Variants in CHST6 observed in about 807,000 individuals in gnomAD.
CHST6 encodes the protein N-acetylglucosamine 6-O-sulfotransferase 5.
For synonymous variants in CHST6, 309 were observed against 276.4 expected, an observed-to-expected ratio of 1.12 and a Z score of -1.17; for missense variants, 698 against 586.2, an observed-to-expected ratio of 1.19 and a Z score of -1.97.
intron 1 of CHST6, among the ~76,000 whole-genome samples, chr16:75,486,077 A>C (rs187783946): frequency 6.6e-6 from 1 of 152,324 alleles, no homozygotes; most frequent in East Asian, 1.9e-4. Context: ...TTCATCAAAC[A>C]AGCTCCATCT....
At chr16:75,481,710 G>C (rs2080143903) in intron 2 of CHST6, 107 bp downstream of exon 2, 1 of 405,704 alleles carries the variant, frequency 2.5e-6, no homozygotes, top group Non-Finnish European at 5.1e-6. Context: ...GGATGTCCTG[G>C]AGCCCTGTGG....
At chr16:75,485,252 C>T (rs752949409) in intron 1 of CHST6, among the ~76,000 whole-genome samples, 3 of 152,180 alleles carry the variant, frequency 2.0e-5, no homozygotes, top group Non-Finnish European at 4.4e-5. Flanking sequence ...TTGACATTAA[C>T]TCTTTTTAAA....
At position 75,479,596 on chromosome 16, in the gene CHST6, G is replaced by A; in HGVS notation, c.233C>T (p.Thr78Ile). The A allele has an allele frequency of 1.9e-6, 3 of 1,612,924 alleles. No homozygotes were observed. The highest frequency in any genetic ancestry group is 2.5e-6 in the Non-Finnish European group (3 of 1,179,870). The change falls in exon 3 of 3, where the codon ACC becomes ATC. Residue 78 changes from threonine to isoleucine, a missense_variant. Physicochemically the swap from Thr to Ile is moderately conservative, Grantham distance 89. Transcript: ENST00000332272. ...YLMEPAWHVW[T>I]TLSQGSAATL... ...TGCGGCGCTGCCCTGCGACAGGGTG[G>A]TCCACACGTGCCACGCGGGCTCCAT...
chr16:75,477,441 A>G lies in CHST6; in HGVS notation c.*1200T>C, dbSNP rs2080078416. 6.6e-6 allele frequency: 1 copy of G among 152,174 alleles called. No individual in the cohort carries two copies. The highest frequency in any genetic ancestry group is 6.6e-5 in the Admixed American group (1 of 15,266). 9.4% of individuals were successfully genotyped at this position (152,174 alleles called of 1,614,324 possible). A position where few individuals can be genotyped will look rare whatever the true frequency, so the allele number is the denominator to read the frequency against. On this transcript the variant is annotated 3_prime_UTR_variant, in exon 3 of 3. Transcript: ENST00000332272. ...AACGTGAGGGAAACTGCCTCATTTC[A>G]CAGGTAACAGGGTCAGAAGTTCTGT...
chr16:75,474,805 GT>G lies in CHST6; in HGVS notation c.*3835del, dbSNP rs763291064. 1.0e-5 allele frequency: 4 copies of G among 393,738 alleles called. No homozygotes were observed. Among genetic ancestry groups the G allele is most frequent in the Non-Finnish European group, 1.8e-5 (4 of 223,238 alleles). The allele number at this position is 393,738 out of a possible 1,614,324, so 24.4% of individuals were successfully genotyped here. ...CCAACTCACTCCTGAAATAATGGTG[GT>G]TTTTTTTAAGACAGACTCTCGCTTT... On this transcript the variant is annotated 3_prime_UTR_variant, in exon 3 of 3. Transcript: ENST00000332272.
At position 75,474,417 on chromosome 16, in the gene CHST6, G is replaced by A. The variant is rs1271629764; in HGVS notation, c.*4224C>T. 4 of 386,494 alleles carry A rather than the reference G, an allele frequency of 1.0e-5. No individual in the cohort carries two copies. The highest frequency in any genetic ancestry group is 1.8e-5 in the Non-Finnish European group (4 of 218,998). The allele number at this position is 386,494 out of a possible 1,614,324, so 23.9% of individuals were successfully genotyped here. A position where few individuals can be genotyped will look rare whatever the true frequency, so the allele number is the denominator to read the frequency against. On this transcript the variant is annotated 3_prime_UTR_variant, in exon 3 of 3. Transcript: ENST00000332272. ...AGCCTCCCAAGTAGCTAGGACTACA[G>A]GTGCACGACACCATGCCCTGCTAAT...
At position 75,479,459 on chromosome 16, in the gene CHST6, C is replaced by T; in HGVS notation, c.370G>A (p.Ala124Thr). 6.2e-7 allele frequency: 1 copy of T among 1,612,932 alleles called. No individual in the cohort carries two copies. The highest frequency in any genetic ancestry group is 1.1e-5 in the South Asian group (1 of 91,088). ...GGCGAGCACAGTGCACGGCTCACGGCCCACTGGAAGAGGTCGGACAGGTTG... is the reference window on the plus strand; with the variant it reads ...GGCGAGCACAGTGCACGGCTCACGGTCCACTGGAAGAGGTCGGACAGGTTG... ...RRNLSDLFQWAVSRALCSPPA... is the reference protein window; with the variant it reads ...RRNLSDLFQWTVSRALCSPPA... Residue 124 changes from alanine to threonine, a missense_variant, in exon 3 of 3, where the codon GCC becomes ACC. By Grantham distance (58) the Ala-to-Thr change is moderately conservative (BLOSUM62 0). Coordinates refer to ENST00000332272, the MANE Select transcript of CHST6 (RefSeq NM_021615.5).
At chr16:75,483,498 G>C (rs1054422867) in intron 1 of CHST6, among the ~76,000 whole-genome samples, 1 of 152,206 alleles carries the variant, frequency 6.6e-6, no homozygotes, top group Admixed American at 6.5e-5. Flanking sequence ...TCCTAGCTGA[G>C]AGCATTCTGA....
chr16:75,492,032 G>T (rs1311322455), intron 1 of CHST6, among the ~76,000 whole-genome samples: 1 of 152,248 alleles, frequency 6.6e-6, no homozygotes, highest in African/African-American at 2.4e-5. Context: ...TGGTGATGCA[G>T]CTGCATGGCA....
chr16:75,484,288 G>C (rs1159555036), intron 1 of CHST6, among the ~76,000 whole-genome samples: 1 of 152,144 alleles, frequency 6.6e-6, no homozygotes, highest in Non-Finnish European at 1.5e-5. Context: ...AGTGAGCCAA[G>C]ATCACACCAC....
intron 1 of CHST6, among the ~76,000 whole-genome samples, chr16:75,490,042 G>C (rs1446449042): frequency 6.6e-6 from 1 of 151,258 alleles, no homozygotes; most frequent in Non-Finnish European, 1.5e-5. Flanking sequence ...GCCAGGCGTG[G>C]TGGCAGGCAC....
In CHST6 at chr16:75,486,469, G is replaced by T. The variant is rs2080199800; in HGVS notation, c.-91-4578C>A. Among the ~76,000 whole-genome samples the T allele has an allele frequency of 3.9e-5, 6 of 152,280 alleles. No homozygotes were observed. The South Asian group carries it at 1.2e-3, about 32-fold the overall frequency. On this transcript the variant is annotated intron_variant, in intron 1 of 2. Coordinates refer to ENST00000332272, the MANE Select transcript of CHST6 (RefSeq NM_021615.5). The stretch of plus-strand genomic sequence containing the variant: ...GATCCACCACTCCCGGCTCCTAAGG[G>T]TCATGTGTCCCAAGACAGACCCACC...
Position 75,477,031 on chromosome 16 carries a change from A to G in CHST6, c.*1610T>C, listed in dbSNP as rs1447891176. 6.6e-6 allele frequency: 1 copy of G among 152,260 alleles called. No homozygotes were observed. The allele number at this position is 152,260 out of a possible 1,614,324, so 9.4% of individuals were successfully genotyped here. A position where few individuals can be genotyped will look rare whatever the true frequency, so the allele number is the denominator to read the frequency against. On this transcript the variant is annotated 3_prime_UTR_variant, in exon 3 of 3. Coordinates refer to ENST00000332272, the MANE Select transcript of CHST6 (RefSeq NM_021615.5). ...AGTGCTGGGATTACAGGCATGAGCC[A>G]CTGCATCCAGCCAAGTTACCCACTC...
rs953289192 is a variant in CHST6, at chr16:75,472,223, T to C, written c.*6418A>G. Reference sequence around the variant, plus strand: ...ATTTGATTTCACAGGTATATACAAATGTTTAATCAAACTTTACACTTTATG... The same window carrying C: ...ATTTGATTTCACAGGTATATACAAACGTTTAATCAAACTTTACACTTTATG... On this transcript the variant is annotated 3_prime_UTR_variant, in exon 3 of 3. Coordinates refer to ENST00000332272, the MANE Select transcript of CHST6 (RefSeq NM_021615.5). 1 of 152,246 alleles carries C rather than the reference T, an allele frequency of 6.6e-6. No homozygotes were observed. Among genetic ancestry groups the C allele is most frequent in the Non-Finnish European group, 1.5e-5 (1 of 68,048 alleles). The allele number at this position is 152,246 out of a possible 1,614,324, so 9.4% of individuals were successfully genotyped here.
At position 75,473,633 on chromosome 16, in the gene CHST6, A is replaced by T. The variant is rs560451832; in HGVS notation, c.*5008T>A. ...ATATAAACTCTCCATCACTGGACACAACCCTTGACTCAGAGGTGGTACCAG... is the reference window on the plus strand; with the variant it reads ...ATATAAACTCTCCATCACTGGACACTACCCTTGACTCAGAGGTGGTACCAG... On this transcript the variant is annotated 3_prime_UTR_variant, in exon 3 of 3. Coordinates refer to ENST00000332272, the MANE Select transcript of CHST6 (RefSeq NM_021615.5). 1 of 152,272 alleles carries T rather than the reference A, an allele frequency of 6.6e-6. No individual in the cohort carries two copies. The highest frequency in any genetic ancestry group is 2.4e-5 in the African/African-American group (1 of 41,566). The allele number at this position is 152,272 out of a possible 1,614,324, so 9.4% of individuals were successfully genotyped here.
At chr16:75,481,995 T>C (rs1439830450) in intron 1 of CHST6, 104 bp from the exon 2 acceptor site, 1 of 396,134 alleles carries the variant, frequency 2.5e-6, no homozygotes, top group Non-Finnish European at 5.0e-6. Context: ...TAGGATGGGA[T>C]GTGCAACATT....
At chr16:75,480,408 C>G (rs1034432183) in intron 2 of CHST6, among the ~76,000 whole-genome samples, 1 of 152,056 alleles carries the variant, frequency 6.6e-6, no homozygotes, top group African/African-American at 2.4e-5. Context: ...CTCAGTTTAC[C>G]CATCTGCAAA....
rs1294113385 is a variant in CHST6 at position 75,491,191 on chromosome 16, ATATAT to A, written c.-92+3744_-92+3748del. On this transcript the variant is annotated intron_variant, in intron 1 of 2. Coordinates refer to ENST00000332272, the MANE Select transcript of CHST6 (RefSeq NM_021615.5). The stretch of plus-strand genomic sequence containing the variant: ...AAAAAAAAAAAAAAAAAAAAAAAAA[ATATAT>A]ATATATATATATATATATATATAAA... Among the ~76,000 whole-genome samples, 287 of 40,874 alleles carry A rather than the reference ATATAT, an allele frequency of 7.0e-3. 3 individuals are homozygous for A. The highest frequency in any genetic ancestry group is 0.021 in the Middle Eastern group (1 of 48). The allele number at this position is 40,874 out of a possible 152,430, so 26.8% of individuals were successfully genotyped here. A position where few individuals can be genotyped will look rare whatever the true frequency, so the allele number is the denominator to read the frequency against.
At chr16:75,479,924 G>T in intron 2 of CHST6, 80 bp from the exon 3 acceptor site, 1 of 1,254,318 alleles carries the variant, frequency 8.0e-7, no homozygotes, top group Non-Finnish European at 1.1e-6. Context: ...CCCGCAGGGG[G>T]CAGATTCTAC....
Sources: gnomAD v4.1 joint callset for allele counts (sites outside exome capture counted in the v4.1 genomes callset) on GRCh38, gnomAD v4.1.1 for gene constraint, MANE v1.5 for transcripts, NCBI Gene and HGNC (gene_info 2026-07-23, HGNC 2026-07-21) for gene names.